Variants in CCDC63 observed in about 807,000 individuals in gnomAD.
CCDC63 encodes the protein coiled-coil domain containing 63, also known as coiled-coil domain-containing protein 63.
Under a neutral mutation model 63.6 loss-of-function variants are expected in CCDC63, and 54 were observed. The ratio of observed to expected loss-of-function variants is 0.85; its 90% confidence interval spans 0.68 to 1.07. The LOEUF is 1.07. Ranked by LOEUF, CCDC63 falls within the 50% of genes least tolerant of loss-of-function variation. The pLI is 0.00. For synonymous variants in CCDC63, 253 were observed against 266.1 expected (o/e 0.95, Z 0.48); for missense variants, 637 against 689.6 (o/e 0.92, Z 0.86).
intron 8 of CCDC63, among the ~76,000 whole-genome samples, chr12:110,891,706 T>C (rs975632043): frequency 6.8e-6 from 1 of 146,228 alleles, no homozygotes; most frequent in Non-Finnish European, 1.5e-5. Context: ...CCTACAGACA[T>C]AGCTTCTCTG....
intron 4 of CCDC63, among the ~76,000 whole-genome samples, chr12:110,872,395 T>C (rs2071078898): frequency 6.6e-6 from 1 of 152,216 alleles, no homozygotes. Flanking sequence ...TTGCCAAGCA[T>C]TACACATACT....
Position 110,858,602 on chromosome 12 carries a change from C to T in CCDC63, c.196C>T (p.Leu66=), listed in dbSNP as rs774065662. 1 of 1,612,588 alleles carries T rather than the reference C, an allele frequency of 6.2e-7. No individual in the cohort carries two copies. Among genetic ancestry groups the T allele is most frequent in the South Asian group, 1.1e-5 (1 of 90,798 alleles). ...TTCCAACAGCAAGGAGATCAAGACC[C>T]TGAAGACAGAGCAGGATGAGATCAC... ...IASQYKEIKT[L]KTEQDEITLL... The change falls in exon 4 of 12, where the codon CTG becomes TTG. Residue 66 remains leucine (L), a synonymous_variant. Coordinates refer to ENST00000308208, the MANE Select transcript of CCDC63 (RefSeq NM_152591.3).
intron 4 of CCDC63, among the ~76,000 whole-genome samples, chr12:110,865,217 C>T (rs966441142): frequency 5.9e-5 from 9 of 152,116 alleles, no homozygotes; most frequent in Non-Finnish European, 1.2e-4. Flanking sequence ...CTGGGTGCCA[C>T]CTCTGCCAGC....
At position 110,898,990 on chromosome 12, in the gene CCDC63, G is replaced by A; in HGVS notation, c.1207G>A (p.Val403Ile). 3 of 1,613,310 alleles carry A rather than the reference G, an allele frequency of 1.9e-6. No homozygotes were observed. Among genetic ancestry groups the A allele is most frequent in the Non-Finnish European group, 2.5e-6 (3 of 1,179,746 alleles). ...TATGTATGAGAGCAAGTACGGGGAG[G>A]TCAGCAAGACCTTGGATCTATTGAA... is the stretch of plus-strand genomic sequence containing the variant. Reference protein sequence around the residue: ...ADMYESKYGEVSKTLDLLKNS... With the variant: ...ADMYESKYGEISKTLDLLKNS... Residue 403 changes from valine to isoleucine, a missense_variant, in exon 10 of 12, where the codon GTC (valine) becomes ATC (isoleucine). Transcript: ENST00000308208.
intron 4 of CCDC63, among the ~76,000 whole-genome samples, chr12:110,867,311 C>A (rs1465027732): frequency 5.6e-5 from 6 of 107,966 alleles, no homozygotes; most frequent in South Asian, 6.8e-4. Flanking sequence ...GGCAGAGGCG[C>A]CCCTCACCTC....
Position 110,880,237 on chromosome 12 carries a change from C to T in CCDC63, c.671+150C>T, listed in dbSNP as rs547520075. The T allele has an allele frequency of 4.9e-5, 34 of 689,396 alleles. No homozygotes were observed. The African/African-American group carries it at 5.4e-4, about 11-fold the overall frequency. The allele number at this position is 689,396 out of a possible 1,614,324, so 42.7% of individuals were successfully genotyped here. A position where few individuals can be genotyped will look rare whatever the true frequency, so the allele number is the denominator to read the frequency against. On this transcript the variant is annotated intron_variant, in intron 6 of 11. Transcript: ENST00000308208. ...AATAATTCTGAGCACTGACTGTGTG[C>T]CAGGCATGATGCTAGGTACTCTGGT...
At chr12:110,880,869 A>ATAATGG (rs2071197526) in intron 6 of CCDC63, among the ~76,000 whole-genome samples, 1 of 100,992 alleles carries the variant, frequency 9.9e-6, no homozygotes, top group African/African-American at 3.8e-5. Flanking sequence ...GGTGGTGGTG[A>ATAATGG]TGATGATGAT....
chr12:110,898,391 C>T (rs759034138), intron 9 of CCDC63, among the ~76,000 whole-genome samples: 5 of 148,680 alleles, frequency 3.4e-5, no homozygotes, highest in Non-Finnish European at 7.4e-5. Flanking sequence ...GAGAGGCCAA[C>T]GTGGGCAGAT....
In CCDC63 at chr12:110,904,554, G is replaced by T. The variant is rs200896803; in HGVS notation, c.1343-34G>T. On this transcript the variant is annotated intron_variant, in intron 10 of 11. Transcript: ENST00000308208. ...CAGTGCCCCCAGGCCCAGGTCTCTC[G>T]GCAGCCATCTTGGTCCTGCTTCTTG... The T allele has an allele frequency of 1.9e-6, 3 of 1,606,742 alleles. No individual in the cohort carries two copies. In the Admixed American group the frequency reaches 5.0e-5, roughly 27 times the overall value.
rs754592981 is a variant in CCDC63 at position 110,898,882 on chromosome 12, C to T, written c.1150-51C>T. 20 of 1,465,952 alleles carry T rather than the reference C, an allele frequency of 1.4e-5. No homozygotes were observed. In the Middle Eastern group the frequency reaches 1.0e-3, roughly 76 times the overall value. The allele number at this position is 1,465,952 out of a possible 1,614,324, so 90.8% of individuals were successfully genotyped here. A position where few individuals can be genotyped will look rare whatever the true frequency, so the allele number is the denominator to read the frequency against. On this transcript the variant is annotated intron_variant, in intron 9 of 11. Transcript: ENST00000308208. ...CTGACCCCAGAGGGTCCCAAACACC[C>T]TGCCCACTGAAAGTCCTCCTGAGCA...
At chr12:110,905,918 T>A (rs5028791) in intron 11 of CCDC63, among the ~76,000 whole-genome samples, 9 of 9,770 alleles carry the variant, frequency 9.2e-4, no homozygotes, top group Admixed American at 2.4e-3. Context: ...TATTATATTA[T>A]ATATAATATA....
intron 4 of CCDC63, among the ~76,000 whole-genome samples, chr12:110,866,706 C>A (rs1221865547): frequency 2.0e-5 from 3 of 149,962 alleles, no homozygotes; most frequent in Non-Finnish European, 3.0e-5. Context: ...GAAAAGTCTC[C>A]CATGTCTACT....
chr12:110,893,003 G>T, intron 8 of CCDC63, 73 bp from the exon 9 acceptor site: 1 of 1,177,098 alleles, frequency 8.5e-7, no homozygotes, highest in Non-Finnish European at 1.3e-6. Context: ...TCTTTGAGGC[G>T]CACACTTATT....
chr12:110,886,620 G>A (rs1003997905), intron 8 of CCDC63, among the ~76,000 whole-genome samples: 15 of 152,112 alleles, frequency 9.9e-5, no homozygotes, highest in Non-Finnish European at 1.9e-4. Context: ...ACGGGCCCAG[G>A]GGGTGGCAAA....
intron 4 of CCDC63, among the ~76,000 whole-genome samples, chr12:110,868,787 G>C (rs1288873137): frequency 3.4e-5 from 5 of 145,192 alleles, no homozygotes; most frequent in Non-Finnish European, 6.1e-5. Flanking sequence ...GAGAGGGAGA[G>C]GGAGAGGGAG....
At position 110,880,016 on chromosome 12, in the gene CCDC63, G is replaced by A; in HGVS notation, c.600G>A (p.Gln200=). ...ATGACAATGTCTACCAGCAGCTCCA[G>A]CACTGCCTGTTGATGGAGAAGAAAA... The part of the protein sequence containing the change: ...AAYDNVYQQL[Q]HCLLMEKKTM... The change falls in exon 6 of 12, where the codon CAG becomes CAA. Residue 200 remains glutamine, a synonymous_variant. Coordinates refer to ENST00000308208, the MANE Select transcript of CCDC63 (RefSeq NM_152591.3). 1 of 1,614,176 alleles carries A rather than the reference G, an allele frequency of 6.2e-7. No homozygotes were observed. Among genetic ancestry groups the A allele is most frequent in the Non-Finnish European group, 8.5e-7 (1 of 1,180,016 alleles).
chr12:110,858,566 A>G lies in CCDC63; in HGVS notation c.180-20A>G, dbSNP rs368401273. 4.5e-5 allele frequency: 72 copies of G among 1,600,058 alleles called. No homozygotes were observed. Among genetic ancestry groups the G allele is most frequent in the East Asian group, 2.7e-4 (12 of 44,618 alleles). On this transcript the variant is annotated intron_variant, in intron 3 of 11. Transcript: ENST00000308208. ...TAAACTTAGGGGTTTGGGGTTAATC[A>G]TGGGCTGCTTTTCCAACAGCAAGGA... is the stretch of plus-strand genomic sequence containing the variant.
At position 110,881,264 on chromosome 12, in the gene CCDC63, A is replaced by G. The variant is rs1220876639; in HGVS notation, c.821A>G (p.Asn274Ser). 4.3e-6 allele frequency: 7 copies of G among 1,613,648 alleles called. No homozygotes were observed. The African/African-American group carries it at 9.3e-5, about 22-fold the overall frequency. ...CTGCTCGTCAAGCTGAATGATCGCA[A>G]TGAATTCGAGGAGCAGGCCAAAAGG... ...SFLLVKLNDR[N>S]EFEEQAKREE... Residue 274 changes from asparagine (N) to serine (S), a missense_variant, in exon 7 of 12, where the codon AAT becomes AGT. Transcript: ENST00000308208.
chr12:110,903,062 A>T (rs2071511107), intron 10 of CCDC63, among the ~76,000 whole-genome samples: 1 of 152,024 alleles, frequency 6.6e-6, no homozygotes, highest in Non-Finnish European at 1.5e-5. Context: ...TTTTCAGTAG[A>T]GATGGGGTTT....
Sources: gnomAD v4.1 joint callset for allele counts (sites outside exome capture counted in the v4.1 genomes callset) on GRCh38, gnomAD v4.1.1 for gene constraint, MANE v1.5 for transcripts, NCBI Gene and HGNC (gene_info 2026-07-23, HGNC 2026-07-21) for gene names.